Variants in CFAP54 observed in about 807,000 individuals in gnomAD.
The protein encoded by CFAP54 is cilia- and flagella-associated protein 54.
Under a neutral mutation model 370.4 loss-of-function variants are expected in CFAP54, and 290 were observed. The observed-to-expected ratio is 0.78, with a 90% CI of 0.71 to 0.86. The LOEUF (loss-of-function observed/expected upper bound fraction) is 0.86. CFAP54 is among the 40% of genes least tolerant of loss of function. The pLI, the probability that CFAP54 is intolerant of heterozygous loss-of-function variation, is 0.00. For missense variants in CFAP54, 3,399 were observed against 3,528.7 expected, an observed-to-expected ratio of 0.96 and a Z score of 0.93; for synonymous variants, 1,206 against 1,236.5, an observed-to-expected ratio of 0.98 and a Z score of 0.52.
At chr12:96,598,342 T>C (rs1956201365) in intron 25 of CFAP54, among the ~76,000 whole-genome samples, 1 of 152,064 alleles carries the variant, frequency 6.6e-6, no homozygotes, top group South Asian at 2.1e-4. Context: ...CAAATACATG[T>C]CACATTCTGA....
intron 67 of CFAP54, among the ~76,000 whole-genome samples, chr12:96,867,840 A>G (rs2136469739): frequency 6.6e-6 from 1 of 152,280 alleles, no homozygotes; most frequent in East Asian, 1.9e-4. Context: ...CAAAATAATG[A>G]CTATGGTTGG....
intron 65 of CFAP54, among the ~76,000 whole-genome samples, chr12:96,826,972 A>ATGATTAATTATAATATGAAATTATATG (rs1959122340): frequency 1.5e-5 from 2 of 136,706 alleles, no homozygotes; most frequent in African/African-American, 5.3e-5. Context: ...GCAATTATAT[A>ATGATTAATTATAATATGAAATTATATG]TGATTATATA....
chr12:96,491,495 G>A (rs1954884891), intron 1 of CFAP54, among the ~76,000 whole-genome samples: 1 of 152,188 alleles, frequency 6.6e-6, no homozygotes, highest in Non-Finnish European at 1.5e-5. Context: ...GGGAGTGTGT[G>A]TGTAAATGGA....
intron 60 of CFAP54, among the ~76,000 whole-genome samples, chr12:96,767,689 A>G (rs1251693824): frequency 2.6e-5 from 4 of 152,176 alleles, no homozygotes; most frequent in Admixed American, 1.3e-4. Context: ...GGTTGCCACT[A>G]ATACCCAGAT....
intron 32 of CFAP54, among the ~76,000 whole-genome samples, chr12:96,632,117 T>C (rs1956616369): frequency 6.6e-6 from 1 of 152,034 alleles, no homozygotes; most frequent in Admixed American, 6.6e-5. Context: ...CATATTTTTA[T>C]TTGGCCCAAG....
chr12:96,616,964 C>G (rs1956425636), intron 26 of CFAP54, among the ~76,000 whole-genome samples: 1 of 151,994 alleles, frequency 6.6e-6, no homozygotes, highest in Admixed American at 6.6e-5. Context: ...ATAAACTAAA[C>G]TGGTATGGAA....
At chr12:96,512,168 A>G (rs1414408908) in intron 4 of CFAP54, among the ~76,000 whole-genome samples, 2 of 150,490 alleles carry the variant, frequency 1.3e-5, no homozygotes, top group South Asian at 2.1e-4. Context: ...GTGCCCTGTT[A>G]TGCATTATGA....
intron 63 of CFAP54, among the ~76,000 whole-genome samples, chr12:96,808,964 T>C (rs1048813664): frequency 6.6e-6 from 1 of 152,190 alleles, no homozygotes; most frequent in Non-Finnish European, 1.5e-5. Context: ...TAATGCTTAA[T>C]TCATTGTTTT....
chr12:96,805,572 C>CAAA (rs35711439), intron 63 of CFAP54, among the ~76,000 whole-genome samples: 50 of 138,978 alleles, frequency 3.6e-4, no homozygotes, highest in African/African-American at 1.1e-3. Context: ...ATTAAAAAGT[C>CAAA]AAAAAAAAAA....
At chr12:96,621,875 GTTTTTTTTT>G (rs71068819) in intron 27 of CFAP54, among the ~76,000 whole-genome samples, 154 bp downstream of exon 27, 11 of 50,036 alleles carry the variant, frequency 2.2e-4, no homozygotes, top group East Asian at 8.4e-4. Context: ...TTTTGGGTTT[GTTTTTTTTT>G]TTTTTTTTTT....
intron 17 of CFAP54, among the ~76,000 whole-genome samples, chr12:96,559,642 CA>C (rs1272770953): frequency 2.0e-5 from 3 of 151,938 alleles, no homozygotes; most frequent in African/African-American, 7.3e-5. Flanking sequence ...CCTATTATAT[CA>C]ATATCATATT....
intron 22 of CFAP54, among the ~76,000 whole-genome samples, chr12:96,586,606 G>T (rs1189339445): frequency 6.6e-6 from 1 of 152,128 alleles, no homozygotes; most frequent in Non-Finnish European, 1.5e-5. Context: ...AAGTGTACCT[G>T]GTATGCTTGG....
intron 55 of CFAP54, among the ~76,000 whole-genome samples, chr12:96,750,469 G>A (rs564864876): frequency 6.6e-6 from 1 of 152,296 alleles, no homozygotes; most frequent in East Asian, 1.9e-4. Flanking sequence ...CATCACATAT[G>A]AATTTTATAA....
At chr12:96,669,049 G>A (rs1438277094) in intron 39 of CFAP54, among the ~76,000 whole-genome samples, 1 of 152,154 alleles carries the variant, frequency 6.6e-6, no homozygotes, top group East Asian at 1.9e-4. Flanking sequence ...AAAACCCAGA[G>A]ATTATAGTAT....
intron 67 of CFAP54, among the ~76,000 whole-genome samples, chr12:96,868,493 T>A (rs536982355): frequency 6.6e-6 from 1 of 151,786 alleles, no homozygotes; most frequent in African/African-American, 2.4e-5. Context: ...TGTTTTTATA[T>A]ATTTTTGTGA....
intron 1 of CFAP54, among the ~76,000 whole-genome samples, chr12:96,499,160 G>A (rs1592814457): frequency 6.6e-6 from 1 of 151,806 alleles, no homozygotes; most frequent in South Asian, 2.1e-4. Context: ...GTAGAGACGG[G>A]GTTTCACCAT....
intron 45 of CFAP54, among the ~76,000 whole-genome samples, chr12:96,697,003 T>G (rs1265294698): frequency 1.3e-5 from 2 of 152,224 alleles, no homozygotes; most frequent in Non-Finnish European, 1.5e-5. Flanking sequence ...CTTTAAGACC[T>G]CTTCATGATC....
In CFAP54 at chr12:96,521,692, T is replaced by C. The variant is rs186313655; in HGVS notation, c.943-165T>C. Among the ~76,000 whole-genome samples, 6 of 152,328 alleles carry C rather than the reference T, an allele frequency of 3.9e-5. No individual in the cohort carries two copies. The East Asian group carries it at 1.2e-3, about 29-fold the overall frequency. On this transcript the variant is annotated intron_variant, in intron 6 of 67. Coordinates refer to ENST00000524981, the MANE Select transcript of CFAP54 (RefSeq NM_001306084.2). ...CTTATTCACAGTTTATTAGAGAGTT[T>C]AGTGGTTCTTAAATAAAATGATAGA... is the stretch of plus-strand genomic sequence containing the variant.
At chr12:96,532,094 A>G (rs1215708243) in intron 9 of CFAP54, among the ~76,000 whole-genome samples, 1 of 152,168 alleles carries the variant, frequency 6.6e-6, no homozygotes, top group Non-Finnish European at 1.5e-5. Flanking sequence ...TTCTTGCCTT[A>G]TGTTTCTAAT....
Sources: allele counts gnomAD v4.1 joint callset (sites outside exome capture counted in the v4.1 genomes callset), GRCh38; gene constraint gnomAD v4.1.1; transcripts MANE v1.5; gene names NCBI Gene and HGNC (gene_info 2026-07-23, HGNC 2026-07-21).